Variants in BIVM observed in about 807,000 individuals in gnomAD.
BIVM encodes basic immunoglobulin-like variable motif-containing protein.
In BIVM, 31 loss-of-function variants were observed where a neutral mutation model predicts 61.4. The observed-to-expected ratio is 0.51, with a 90% confidence interval of 0.38 to 0.68. BIVM has a LOEUF of 0.68. BIVM is among the 30% of genes least tolerant of loss of function. The probability of loss-of-function intolerance (pLI) is 0.00; values close to 1 mark genes in which losing one functional copy is unlikely to be tolerated. For missense variants in BIVM, 526 were observed against 596.0 expected (o/e 0.88, Z 1.22); for synonymous variants, 189 against 210.7 (o/e 0.90, Z 0.89).
chr13:102,817,148 T>C (rs1009212995), intron 4 of BIVM, among the ~76,000 whole-genome samples: 2 of 152,130 alleles, frequency 1.3e-5, no homozygotes, highest in Non-Finnish European at 2.9e-5. Flanking sequence ...CACCCCACTT[T>C]CCCCCTTGTC....
intron 8 of BIVM, 31 bp from the exon 9 acceptor site, chr13:102,834,435 T>TA: frequency 6.3e-7 from 1 of 1,579,800 alleles, no homozygotes; most frequent in Non-Finnish European, 8.6e-7. Context: ...GAGTAACTAT[T>TA]AAACGTACTG....
chr13:102,800,201 C>T (rs1373747332), intron 1 of BIVM, among the ~76,000 whole-genome samples: 1 of 152,220 alleles, frequency 6.6e-6, no homozygotes, highest in Non-Finnish European at 1.5e-5. Flanking sequence ...CTCAAACAGT[C>T]GAATCGGAGC....
At position 102,839,862 on chromosome 13, in the gene BIVM, T is replaced by C. The variant is rs764008162; in HGVS notation, c.1509T>C (p.Asp503=). The C allele has an allele frequency of 3.7e-6, 6 of 1,608,084 alleles. No homozygotes were observed. The highest frequency in any genetic ancestry group is 2.2e-5 in the East Asian group (1 of 44,866). ...GTTACAGTGATTACGATGGGAATGA[T>C]TGACTATGCTTGCTACTGAACAGCT... ...YQGYSDYDGN[D] Residue 503 remains aspartate (D), a synonymous_variant, in exon 11 of 11, where the codon GAT becomes GAC. Transcript: ENST00000257336.
intron 7 of BIVM, among the ~76,000 whole-genome samples, chr13:102,829,889 A>G (rs1248244302): frequency 6.6e-6 from 1 of 152,146 alleles, no homozygotes; most frequent in Non-Finnish European, 1.5e-5. Context: ...TGTATTTACT[A>G]TCTTTTATTT....
chr13:102,811,587 G>A (rs1304088029), intron 3 of BIVM, among the ~76,000 whole-genome samples: 3 of 152,204 alleles, frequency 2.0e-5, no homozygotes, highest in African/African-American at 7.2e-5. Flanking sequence ...GCAATGGCAC[G>A]ATCTTGGCTC....
Position 102,839,726 on chromosome 13 carries a change from C to T in BIVM, c.1373C>T (p.Ser458Phe). ...IAKSESEDNI[S>F]KKQHGRLGRS... ...AAATCTGAGAGTGAAGACAATATTT[C>T]CAAGAAGCAGCATGGGCGTCTGGGC... The change falls in exon 11 of 11, where the codon TCC (serine) becomes TTC (phenylalanine). Residue 458 changes from serine (S) to phenylalanine (F), a missense_variant. Physicochemically the swap from Ser to Phe is radical, Grantham distance 155. Coordinates refer to ENST00000257336, the MANE Select transcript of BIVM (RefSeq NM_017693.4). 6.2e-7 allele frequency: 1 copy of T among 1,614,176 alleles called. No homozygotes were observed. The highest frequency in any genetic ancestry group is 8.5e-7 in the Non-Finnish European group (1 of 1,180,032).
At chr13:102,803,246 T>C (rs1461043529) in intron 1 of BIVM, among the ~76,000 whole-genome samples, 1 of 151,692 alleles carries the variant, frequency 6.6e-6, no homozygotes, top group African/African-American at 2.4e-5. Flanking sequence ...CTCATTCCTA[T>C]AATCCCAGCA....
chr13:102,823,074 G>A (rs77257462), intron 7 of BIVM, among the ~76,000 whole-genome samples: 6,656 of 152,236 alleles, frequency 0.044, 167 homozygotes, highest in Middle Eastern at 0.071. Flanking sequence ...GGGGACGTCC[G>A]TAAGGAACTT....
At position 102,841,402 on chromosome 13, in the gene BIVM, C is replaced by A. The variant is rs1881781067; in HGVS notation, c.*1537C>A. ...AAGGGGATATATATTATGAAATGGT[C>A]ATTTTTCTGAAGAGAATATTTTGCT... is the stretch of plus-strand genomic sequence containing the variant. On this transcript the variant is annotated 3_prime_UTR_variant, in exon 11 of 11. Coordinates refer to ENST00000257336, the MANE Select transcript of BIVM (RefSeq NM_017693.4). 6.6e-6 allele frequency: 1 copy of A among 152,540 alleles called. No homozygotes were observed. The highest frequency in any genetic ancestry group is 2.1e-4 in the South Asian group (1 of 4,836). 9.4% of individuals were successfully genotyped at this position (152,540 alleles called of 1,614,324 possible).
In BIVM at chr13:102,833,327, G is replaced by GTTTTTTTTTTTTTTTTTTTTTTTTTTTTT. The variant is rs532303115; in HGVS notation, c.1035-1121_1035-1120insTTTTTTTTTTTTTTTTTTTTTTTTTTTTT. ...TGGCTTGGTCATGGGGATAGGATGG[G>GTTTTTTTTTTTTTTTTTTTTTTTTTTTTT]TTTTTTTTTTTTTTTTTTGAGACAA... On this transcript the variant is annotated intron_variant, in intron 8 of 10. Transcript: ENST00000257336. 6.7e-3 allele frequency among the ~76,000 whole-genome samples: 532 copies of GTTTTTTTTTTTTTTTTTTTTTTTTTTTTT among 79,558 alleles called. 137 individuals carry two copies. Among genetic ancestry groups the GTTTTTTTTTTTTTTTTTTTTTTTTTTTTT allele is most frequent in the Middle Eastern group, 0.012 (1 of 86 alleles). 52.2% of individuals were successfully genotyped at this position (79,558 alleles called of 152,430 possible). A position where few individuals can be genotyped will look rare whatever the true frequency, so the allele number is the denominator to read the frequency against.
intron 7 of BIVM, 49 bp downstream of exon 7, chr13:102,822,208 CACACACAT>C: frequency 6.6e-7 from 1 of 1,508,420 alleles, no homozygotes; most frequent in African/African-American, 1.4e-5. Flanking sequence ...CACATGCACA[CACACACAT>C]ACACACACAC....
intron 9 of BIVM, among the ~76,000 whole-genome samples, chr13:102,836,224 T>C (rs1881460926): frequency 6.6e-6 from 1 of 152,204 alleles, no homozygotes; most frequent in African/African-American, 2.4e-5. Context: ...TGTGCCTCTA[T>C]AAGAAATTTT....
At chr13:102,826,434 C>T (rs7327584) in intron 7 of BIVM, among the ~76,000 whole-genome samples, 37,402 of 152,044 alleles carry the variant, frequency 0.25, 4,748 homozygotes, top group East Asian at 0.43. Flanking sequence ...CTTAGCAGTG[C>T]CTTGAACATT....
chr13:102,803,166 A>G (rs2139134034), intron 1 of BIVM, among the ~76,000 whole-genome samples: 1 of 151,876 alleles, frequency 6.6e-6, no homozygotes, highest in East Asian at 1.9e-4. Flanking sequence ...CTTAAAAAAA[A>G]AAAAAAAAAA....
At position 102,807,953 on chromosome 13, in the gene BIVM, A is replaced by G. The variant is rs1879212526; in HGVS notation, c.478+208A>G. 6.6e-6 allele frequency among the ~76,000 whole-genome samples: 1 copy of G among 152,166 alleles called. No homozygotes were observed. The highest frequency in any genetic ancestry group is 1.5e-5 in the Non-Finnish European group (1 of 68,038). The stretch of plus-strand genomic sequence containing the variant: ...GGGGCTTCCACTGGAAACTTCAAGC[A>G]TAAGCTTTGTATCAAATATTTTGAG... On this transcript the variant is annotated intron_variant, in intron 3 of 10. Transcript: ENST00000257336. This position sits in a 1 kb window ranked among gnomAD's most constrained non-coding sequence, Gnocchi z 4.0.
chr13:102,834,003 TAAAA>T (rs1284011789), intron 8 of BIVM, among the ~76,000 whole-genome samples: 1 of 152,228 alleles, frequency 6.6e-6, no homozygotes, highest in Non-Finnish European at 1.5e-5. Context: ...GAGATTTTCT[TAAAA>T]AACTATATAA....
chr13:102,838,011 G>A (rs1881602133), intron 9 of BIVM, among the ~76,000 whole-genome samples: 1 of 151,958 alleles, frequency 6.6e-6, no homozygotes, highest in Admixed American at 6.6e-5. Flanking sequence ...GAACTTATTG[G>A]TATAACCAAA....
At chr13:102,839,382 G>A (rs1881689393) in intron 10 of BIVM, among the ~76,000 whole-genome samples, 190 bp from the exon 11 acceptor site, 1 of 152,100 alleles carries the variant, frequency 6.6e-6, no homozygotes, top group South Asian at 2.1e-4. Context: ...GCTCCGGTGG[G>A]CATTGTTATA....
At position 102,807,839 on chromosome 13, in the gene BIVM, A is replaced by G; in HGVS notation, c.478+94A>G. The stretch of plus-strand genomic sequence containing the variant: ...TTGCCATTACACATAGTTTCCTTGT[A>G]TAATACTAGATAAGGAACATGGCTA... On this transcript the variant is annotated intron_variant, in intron 3 of 10. Coordinates refer to ENST00000257336, the MANE Select transcript of BIVM (RefSeq NM_017693.4). The surrounding 1 kb of genome is among the most constrained non-coding windows in gnomAD (Gnocchi z 4.0). 1 of 1,269,376 alleles carries G rather than the reference A, an allele frequency of 7.9e-7. No individual in the cohort carries two copies. The highest frequency in any genetic ancestry group is 1.1e-6 in the Non-Finnish European group (1 of 933,488). The allele number at this position is 1,269,376 out of a possible 1,614,324, so 78.6% of individuals were successfully genotyped here.
Sources: allele counts gnomAD v4.1 joint callset (sites outside exome capture counted in the v4.1 genomes callset), GRCh38; gene constraint gnomAD v4.1.1; non-coding constraint Gnocchi (gnomAD v3.1); transcripts MANE v1.5; gene names NCBI Gene and HGNC (gene_info 2026-07-23, HGNC 2026-07-21).